The following ZNF385D variants were observed in gnomAD, a reference collection of about 807,000 sequenced individuals.
The protein encoded by ZNF385D is zinc finger protein 659.
ZNF385D carries 15 observed loss-of-function variants against 35.8 expected under a neutral mutation model. The observed-to-expected ratio is 0.42, with a 90% CI of 0.28 to 0.64. ZNF385D has a LOEUF of 0.64. Among genes scored for constraint, ZNF385D ranks in the 30% least tolerant of loss-of-function variants. The pLI is 0.23. For synonymous variants in ZNF385D, 212 were observed against 186.8 expected (o/e 1.13, Z -1.10); for missense variants, 474 against 494.6 (o/e 0.96, Z 0.39).
intron 2 of ZNF385D, among the ~76,000 whole-genome samples, chr3:22,174,845 T>G (rs544838316): frequency 6.6e-6 from 1 of 152,268 alleles, no homozygotes; most frequent in East Asian, 1.9e-4. Context: ...TTTAGTAATA[T>G]TTATACAGAA....
At chr3:21,683,917 G>T (rs1249599923) in intron 1 of ZNF385D, among the ~76,000 whole-genome samples, 1 of 150,174 alleles carries the variant, frequency 6.7e-6, no homozygotes, top group Non-Finnish European at 1.5e-5. Context: ...ACTCAGTCCA[G>T]CCAACATCTT....
intron 3 of ZNF385D, among the ~76,000 whole-genome samples, chr3:21,970,222 T>C (rs1703161816): frequency 6.6e-6 from 1 of 152,106 alleles, no homozygotes; most frequent in Admixed American, 6.5e-5. Flanking sequence ...CCAAATGAAC[T>C]AAATAGGCAT....
chr3:21,737,476 C>T (rs1255999124), intron 1 of ZNF385D, among the ~76,000 whole-genome samples: 1 of 151,950 alleles, frequency 6.6e-6, no homozygotes, highest in African/African-American at 2.4e-5. Context: ...TACACACACA[C>T]ACACACACAC....
chr3:21,828,407 G>A (rs1694789921), intron 3 of ZNF385D, among the ~76,000 whole-genome samples: 1 of 152,018 alleles, frequency 6.6e-6, no homozygotes, highest in Non-Finnish European at 1.5e-5. Context: ...ACTACATTTT[G>A]GTGCCCATTA....
intron 2 of ZNF385D, among the ~76,000 whole-genome samples, chr3:22,216,495 G>T (rs1697893392): frequency 6.6e-6 from 1 of 152,104 alleles, no homozygotes. Flanking sequence ...AAAGCTAAGA[G>T]TGAGGAGGTA....
chr3:22,249,609 G>A (rs1207905671), intron 2 of ZNF385D, among the ~76,000 whole-genome samples: 1 of 152,142 alleles, frequency 6.6e-6, no homozygotes, highest in Non-Finnish European at 1.5e-5. Context: ...AGGCTGATTC[G>A]TTATGCTGGA....
chr3:22,361,502 G>A (rs1032747292), intron 2 of ZNF385D, among the ~76,000 whole-genome samples: 3 of 152,038 alleles, frequency 2.0e-5, no homozygotes, highest in Non-Finnish European at 4.4e-5. Context: ...AAATCTGACT[G>A]TGGTTATGAA....
chr3:22,007,921 A>T (rs1463261750), intron 3 of ZNF385D, among the ~76,000 whole-genome samples: 2 of 151,568 alleles, frequency 1.3e-5, no homozygotes, highest in Non-Finnish European at 2.9e-5. Context: ...TTTCTTTATC[A>T]CCTCTGAATT....
chr3:21,813,847 G>A (rs796992669), intron 3 of ZNF385D, among the ~76,000 whole-genome samples: 3 of 152,134 alleles, frequency 2.0e-5, no homozygotes, highest in African/African-American at 4.8e-5. Flanking sequence ...AGGAAATACA[G>A]AGAATGCCAC....
At chr3:21,673,519 G>A (rs1477929344) in intron 1 of ZNF385D, among the ~76,000 whole-genome samples, 1 of 152,128 alleles carries the variant, frequency 6.6e-6, no homozygotes, top group Non-Finnish European at 1.5e-5. Context: ...TGACTTTTCA[G>A]ATTGAGGAGA....
At chr3:22,127,316 GCTTTTTTT>G (rs1703492140) in intron 3 of ZNF385D, among the ~76,000 whole-genome samples, 2 of 76,080 alleles carry the variant, frequency 2.6e-5, no homozygotes, top group South Asian at 4.4e-4. Flanking sequence ...TTCATTTCCT[GCTTTTTTT>G]TTTTTTTTTT....
intron 3 of ZNF385D, among the ~76,000 whole-genome samples, chr3:21,792,156 T>A (rs1162431677): frequency 2.0e-5 from 3 of 152,214 alleles, no homozygotes; most frequent in Non-Finnish European, 4.4e-5. Flanking sequence ...AATTAGTTTT[T>A]CTGGGGCATA....
intron 5 of ZNF385D, among the ~76,000 whole-genome samples, chr3:21,434,630 C>T (rs1462670455): frequency 6.6e-6 from 1 of 152,090 alleles, no homozygotes; most frequent in Non-Finnish European, 1.5e-5. Flanking sequence ...ATCTGAAGAT[C>T]AAAAATGGTG....
At chr3:22,102,364 T>G (rs1445537862) in intron 3 of ZNF385D, among the ~76,000 whole-genome samples, 3 of 152,046 alleles carry the variant, frequency 2.0e-5, no homozygotes, top group African/African-American at 7.2e-5. Flanking sequence ...AGAGAAGCAA[T>G]TAGTCCAAGA....
At chr3:21,672,058 C>T (rs1008694500) in intron 1 of ZNF385D, among the ~76,000 whole-genome samples, 8 of 152,096 alleles carry the variant, frequency 5.3e-5, no homozygotes, top group African/African-American at 1.9e-4. Flanking sequence ...TAACAATGAG[C>T]AATTTTCCTG....
chr3:22,362,779 A>AG (rs1696473806), intron 2 of ZNF385D, among the ~76,000 whole-genome samples: 1 of 152,122 alleles, frequency 6.6e-6, no homozygotes, highest in Non-Finnish European at 1.5e-5. Flanking sequence ...GCTGTTTTTA[A>AG]GGCAAATTGC....
chr3:21,648,992 A>G (rs1217048776), intron 2 of ZNF385D, among the ~76,000 whole-genome samples: 1 of 152,138 alleles, frequency 6.6e-6, no homozygotes, highest in African/African-American at 2.4e-5. Flanking sequence ...TATATCTAGT[A>G]AGTGGTAAAT....
chr3:21,972,443 G>C (rs919346610), intron 3 of ZNF385D, among the ~76,000 whole-genome samples: 1 of 151,918 alleles, frequency 6.6e-6, no homozygotes, highest in African/African-American at 2.4e-5. Flanking sequence ...GCAGTACTAA[G>C]AGGAAAGTTT....
At chr3:21,600,249 T>C (rs1173583465) in intron 2 of ZNF385D, among the ~76,000 whole-genome samples, 3 of 152,228 alleles carry the variant, frequency 2.0e-5, no homozygotes, top group Non-Finnish European at 4.4e-5. Context: ...ATTCCTCTAC[T>C]TTCTTAATAA....
Sources: gnomAD v4.1 joint callset for allele counts (sites outside exome capture counted in the v4.1 genomes callset) on GRCh38, gnomAD v4.1.1 for gene constraint, MANE v1.5 for transcripts, NCBI Gene and HGNC (gene_info 2026-07-23, HGNC 2026-07-21) for gene names.